Variants in ELP4 observed in about 807,000 individuals in gnomAD.
ELP4 encodes elongator acetyltransferase complex subunit 4.
In ELP4, 51 loss-of-function variants were observed where a neutral mutation model predicts 48.9. That is an observed-to-expected ratio of 1.04 (90% confidence interval 0.83 to 1.32). The LOEUF (loss-of-function observed/expected upper bound fraction) is 1.32, where lower values mean the gene tolerates loss of function less well. Ranked by LOEUF, ELP4 falls within the 40% of genes most tolerant of loss-of-function variation. The pLI is 0.00. For synonymous variants in ELP4, 210 were observed against 189.2 expected, an observed-to-expected ratio of 1.11 and a Z score of -0.90; for missense variants, 519 against 514.6, an observed-to-expected ratio of 1.01 and a Z score of -0.08.
intron 4 of ELP4, among the ~76,000 whole-genome samples, chr11:31,603,396 G>C (rs1429070715): frequency 6.6e-6 from 1 of 151,620 alleles, no homozygotes; most frequent in Non-Finnish European, 1.5e-5. Flanking sequence ...CTTGGCAACT[G>C]CATATTTAAT....
chr11:31,696,684 C>T lies in ELP4; in HGVS notation c.1143+46463C>T, dbSNP rs560755723. On this transcript the variant is annotated intron_variant, in intron 9 of 9. Transcript: ENST00000640961. The stretch of plus-strand genomic sequence containing the variant: ...AAGCACTAAACATGAAAGGAACAAC[C>T]GGTACCAGCCACTGCAAAAACATGC... Among the ~76,000 whole-genome samples, 9 of 152,144 alleles carry T rather than the reference C, an allele frequency of 5.9e-5. No homozygotes were observed. In the East Asian group the frequency reaches 7.7e-4, roughly 13 times the overall value.
At chr11:31,602,347 T>C (rs1310188910) in intron 4 of ELP4, among the ~76,000 whole-genome samples, 1 of 151,938 alleles carries the variant, frequency 6.6e-6, no homozygotes, top group Non-Finnish European at 1.5e-5. Context: ...GTTTGTACCC[T>C]ATTTTTAAGA....
intron 3 of ELP4, 109 bp from the exon 4 acceptor site, chr11:31,594,661 C>G (rs1368558531): frequency 3.2e-6 from 2 of 619,282 alleles, no homozygotes; most frequent in Non-Finnish European, 5.1e-6. Context: ...CAATGTTAGT[C>G]ATGAATTTTC....
intron 9 of ELP4, chr11:31,653,923 TAAAC>T (rs1945375438): frequency 6.6e-6 from 1 of 151,786 alleles, no homozygotes; most frequent in African/African-American, 2.4e-5. Context: ...TTATAGTACA[TAAAC>T]AAGTAAGATT....
At chr11:31,783,333 C>G (rs1329231548) in intron 9 of ELP4, 60 bp from the exon 10 acceptor site, 1 of 1,536,438 alleles carries the variant, frequency 6.5e-7, no homozygotes, top group Admixed American at 1.8e-5. Flanking sequence ...CTAGCCAAAG[C>G]AAAATTAATT....
At chr11:31,742,474 G>A (rs929116173) in intron 9 of ELP4, among the ~76,000 whole-genome samples, 1 of 152,136 alleles carries the variant, frequency 6.6e-6, no homozygotes, top group Admixed American at 6.5e-5. Context: ...TGAAATGAAG[G>A]AAAAAATGTT....
intron 9 of ELP4, among the ~76,000 whole-genome samples, chr11:31,733,615 G>A (rs1324997359): frequency 6.6e-6 from 1 of 151,976 alleles, no homozygotes; most frequent in Non-Finnish European, 1.5e-5. Context: ...GAAAACAATG[G>A]ATAAATTCCT....
intron 9 of ELP4, among the ~76,000 whole-genome samples, chr11:31,679,485 A>G (rs546175582): frequency 6.6e-6 from 1 of 152,246 alleles, no homozygotes; most frequent in East Asian, 1.9e-4. Context: ...TGGCTTGTAG[A>G]TGACTGTTTC....
intron 9 of ELP4, among the ~76,000 whole-genome samples, chr11:31,711,622 G>C (rs550682910): frequency 6.6e-6 from 1 of 152,106 alleles, no homozygotes; most frequent in African/African-American, 2.4e-5. Context: ...TCTTTTATGT[G>C]TATAGATTTA....
chr11:31,644,807 T>C (rs1029003845), intron 7 of ELP4, among the ~76,000 whole-genome samples: 2 of 151,762 alleles, frequency 1.3e-5, no homozygotes, highest in African/African-American at 2.4e-5. Context: ...TTTTTTAACT[T>C]TTTAAAACAC....
intron 9 of ELP4, chr11:31,653,096 G>C (rs1945357718): frequency 6.6e-6 from 1 of 151,586 alleles, no homozygotes; most frequent in Non-Finnish European, 1.5e-5. Flanking sequence ...GTATATGTTG[G>C]TATTGTCCAG....
rs545915176 is a variant in ELP4 at position 31,780,477 on chromosome 11, A to T, written c.1144-2916A>T. Among the ~76,000 whole-genome samples the T allele has an allele frequency of 7.7e-4, 118 of 152,330 alleles. 4 individuals are homozygous for T. In the South Asian group the frequency reaches 0.024, roughly 31 times the overall value. On this transcript the variant is annotated intron_variant, in intron 9 of 9. Transcript: ENST00000640961. ...ATAGATTCACATATTTCCAAGAGCC[A>T]TCCTTGGGCATTTTCAAAGGGCATG...
intron 2 of ELP4, among the ~76,000 whole-genome samples, chr11:31,523,793 G>C (rs1039786184): frequency 2.0e-5 from 3 of 151,984 alleles, no homozygotes; most frequent in Non-Finnish European, 2.9e-5. Flanking sequence ...AATGTTTAAT[G>C]CTTAAGTACT....
chr11:31,751,087 G>A (rs1947708841), intron 9 of ELP4, among the ~76,000 whole-genome samples: 1 of 152,146 alleles, frequency 6.6e-6, no homozygotes, highest in African/African-American at 2.4e-5. Context: ...TGTGTGAGAG[G>A]ATTAAGTCCT....
intron 7 of ELP4, among the ~76,000 whole-genome samples, chr11:31,642,150 T>G (rs1945112437): frequency 6.6e-6 from 1 of 151,984 alleles, no homozygotes; most frequent in African/African-American, 2.4e-5. Flanking sequence ...TTTCAGTATT[T>G]TGTTCATCCC....
intron 1 of ELP4, among the ~76,000 whole-genome samples, chr11:31,512,929 C>G (rs189539051): frequency 2.0e-3 from 303 of 151,906 alleles, no homozygotes; most frequent in African/African-American, 7.0e-3. Context: ...AGGGTAACTG[C>G]AGATTTGACC....
chr11:31,526,210 A>C (rs1158996264), intron 2 of ELP4, among the ~76,000 whole-genome samples: 1 of 152,164 alleles, frequency 6.6e-6, no homozygotes, highest in Non-Finnish European at 1.5e-5. Flanking sequence ...GCCCAAGATC[A>C]CATATATGGT....
chr11:31,522,334 T>G (rs1956227181), intron 2 of ELP4, among the ~76,000 whole-genome samples: 1 of 152,176 alleles, frequency 6.6e-6, no homozygotes, highest in African/African-American at 2.4e-5. Context: ...ATCCTCAGCC[T>G]CCGTTCCTTG....
chr11:31,623,390 T>TATATATATATATAAAAAA (rs67986763), intron 5 of ELP4, among the ~76,000 whole-genome samples: 1 of 92,610 alleles, frequency 1.1e-5, no homozygotes, highest in Admixed American at 1.2e-4. Flanking sequence ...TATATATATA[T>TATATATATATATAAAAAA]AAAACTAGAA....
Sources: gnomAD v4.1 joint callset for allele counts (sites outside exome capture counted in the v4.1 genomes callset) on GRCh38, gnomAD v4.1.1 for gene constraint, MANE v1.5 for transcripts, NCBI Gene and HGNC (gene_info 2026-07-23, HGNC 2026-07-21) for gene names.